The following BCL11B variants were observed in gnomAD, a reference collection of about 807,000 sequenced individuals.
BCL11B encodes B-cell lymphoma/leukemia 11B.
Under a neutral mutation model 49.9 loss-of-function variants are expected in BCL11B, and 8 were observed. The observed-to-expected ratio is 0.16, with a 90% CI of 0.09 to 0.29. BCL11B has a LOEUF of 0.29. BCL11B is among the 10% of genes least tolerant of loss of function. The pLI, the probability that BCL11B is intolerant of heterozygous loss-of-function variation, is 1.00. For synonymous variants in BCL11B, 739 were observed against 637.4 expected (o/e 1.16, Z -2.40); for missense variants, 1,006 against 1,351.0 (o/e 0.74, Z 4.00).
In BCL11B at chr14:99,171,905, T is replaced by C. The variant is rs1034471632; in HGVS notation, c.*2246A>G. On this transcript the variant is annotated 3_prime_UTR_variant, in exon 4 of 4. Coordinates refer to ENST00000357195, the MANE Select transcript of BCL11B (RefSeq NM_138576.4). ...TAAAATGCCCAGGCATTCTCGATTATTACAAATACTGGTCCACTTTTACAG... is the reference window on the plus strand; with the variant it reads ...TAAAATGCCCAGGCATTCTCGATTACTACAAATACTGGTCCACTTTTACAG... The C allele has an allele frequency of 9.9e-6, 2 of 202,002 alleles. No individual in the cohort carries two copies. Among genetic ancestry groups the C allele is most frequent in the African/African-American group, 4.6e-5 (2 of 43,464 alleles). The allele number at this position is 202,002 out of a possible 1,614,324, so 12.5% of individuals were successfully genotyped here. A position where few individuals can be genotyped will look rare whatever the true frequency, so the allele number is the denominator to read the frequency against.
intron 3 of BCL11B, among the ~76,000 whole-genome samples, chr14:99,215,649 G>A (rs1266566961): frequency 6.6e-6 from 1 of 152,164 alleles, no homozygotes; most frequent in Non-Finnish European, 1.5e-5. Flanking sequence ...ACTGATTCCA[G>A]GTATAAAAGC....
chr14:99,259,490 T>C (rs1433615683), intron 1 of BCL11B, among the ~76,000 whole-genome samples: 2 of 152,172 alleles, frequency 1.3e-5, no homozygotes, highest in Admixed American at 6.5e-5. Flanking sequence ...TGTGAATAGG[T>C]AGCGACGTAG....
At chr14:99,237,877 A>G (rs1308022275) in intron 2 of BCL11B, among the ~76,000 whole-genome samples, 1 of 152,194 alleles carries the variant, frequency 6.6e-6, no homozygotes, top group Admixed American at 6.5e-5. Context: ...AGCATCCTTC[A>G]TCAACCATCT....
At chr14:99,253,413 C>A (rs566859499) in intron 2 of BCL11B, among the ~76,000 whole-genome samples, 2 of 152,326 alleles carry the variant, frequency 1.3e-5, no homozygotes, top group East Asian at 3.9e-4. Flanking sequence ...CCAAGAAGAC[C>A]GGTGCAAGCT....
rs1183619128 is a variant in BCL11B, at chr14:99,171,507, G to A, written c.*2644C>T. On this transcript the variant is annotated 3_prime_UTR_variant, in exon 4 of 4. Transcript: ENST00000357195. ...CAAGCTTACAGTTAAAAAATTACGAGCTCCAGTAAAAATACAGCAAGTGCC... is the reference window on the plus strand; with the variant it reads ...CAAGCTTACAGTTAAAAAATTACGAACTCCAGTAAAAATACAGCAAGTGCC... The A allele has an allele frequency of 2.4e-5, 5 of 209,904 alleles. No homozygotes were observed. The highest frequency in any genetic ancestry group is 2.4e-4 in the Admixed American group (4 of 16,878). 13.0% of individuals were successfully genotyped at this position (209,904 alleles called of 1,614,324 possible). A position where few individuals can be genotyped will look rare whatever the true frequency, so the allele number is the denominator to read the frequency against.
intron 3 of BCL11B, among the ~76,000 whole-genome samples, chr14:99,187,885 C>T (rs143800302): frequency 4.7e-4 from 71 of 152,134 alleles, no homozygotes; most frequent in African/African-American, 1.6e-3. Flanking sequence ...CAAAAAATCT[C>T]GACATTCCAC....
intron 3 of BCL11B, among the ~76,000 whole-genome samples, chr14:99,196,148 C>A (rs1213224202): frequency 6.6e-6 from 1 of 152,144 alleles, no homozygotes; most frequent in Non-Finnish European, 1.5e-5. Context: ...ATCGAAGGTG[C>A]TTGTTGCATT....
At position 99,195,349 on chromosome 14, in the gene BCL11B, C is replaced by T. The variant is rs957568612; in HGVS notation, c.641-19154G>A. Reference sequence around the variant, plus strand: ...CAGGGCTCTCCAGTATTCCCCACACCTCCTCTGTGGGGCTCCCCCAGCACC... The same window carrying T: ...CAGGGCTCTCCAGTATTCCCCACACTTCCTCTGTGGGGCTCCCCCAGCACC... On this transcript the variant is annotated intron_variant, in intron 3 of 3. Transcript: ENST00000357195. The surrounding 1 kb of genome is among the most constrained non-coding windows in gnomAD (Gnocchi z 4.7). Among the ~76,000 whole-genome samples the T allele has an allele frequency of 4.6e-5, 7 of 152,090 alleles. No homozygotes were observed. Among genetic ancestry groups the T allele is most frequent in the African/African-American group, 1.4e-4 (6 of 41,408 alleles).
rs913080653 is a variant in BCL11B at position 99,172,319 on chromosome 14, G to C, written c.*1832C>G. 1.3e-5 allele frequency: 3 copies of C among 225,658 alleles called. No homozygotes were observed. The highest frequency in any genetic ancestry group is 2.7e-5 in the Non-Finnish European group (3 of 113,156). The allele number at this position is 225,658 out of a possible 1,614,324, so 14.0% of individuals were successfully genotyped here. On this transcript the variant is annotated 3_prime_UTR_variant, in exon 4 of 4. Coordinates refer to ENST00000357195, the MANE Select transcript of BCL11B (RefSeq NM_138576.4). The stretch of plus-strand genomic sequence containing the variant: ...AGGGGCTGAGGATAATTCAGCTAAT[G>C]GATGTCCAAGGTTGTGCTGGGTTTA...
At chr14:99,196,816 G>A (rs937333871) in intron 3 of BCL11B, among the ~76,000 whole-genome samples, 3 of 152,272 alleles carry the variant, frequency 2.0e-5, no homozygotes, top group East Asian at 1.9e-4. Context: ...CCAAGGCTGT[G>A]TGATACAACT....
intron 3 of BCL11B, among the ~76,000 whole-genome samples, chr14:99,202,303 C>T (rs371050101): frequency 2.6e-5 from 4 of 152,170 alleles, no homozygotes; most frequent in Non-Finnish European, 5.9e-5. Flanking sequence ...TCTTTATAAG[C>T]GCCAGGATCA....
rs1179460384 is a variant in BCL11B at position 99,257,486 on chromosome 14, G to T, written c.412C>A (p.Gln138Lys). 4 of 1,604,478 alleles carry T rather than the reference G, an allele frequency of 2.5e-6. No individual in the cohort carries two copies. In the African/African-American group the frequency reaches 5.3e-5, roughly 21 times the overall value. The change falls in exon 2 of 4, where the codon CAG (glutamine) becomes AAG (lysine). Residue 138 changes from glutamine (Q) to lysine (K), a missense_variant. This residue lies in a region of BCL11B where 411 missense variants were observed against 542.2 expected (regional missense o/e 0.76). Coordinates refer to ENST00000357195, the MANE Select transcript of BCL11B (RefSeq NM_138576.4). This position sits in a 1 kb window ranked among gnomAD's most constrained non-coding sequence, Gnocchi z 6.2. ...CATCCCATACCTGCAATGTTCTCCT[G>T]CTTGGGACAGATGCCTTTCGTGGGT... is the stretch of plus-strand genomic sequence containing the variant. ...LSPTKGICPK[Q>K]ENIAGPCRPA...
intron 2 of BCL11B, among the ~76,000 whole-genome samples, chr14:99,250,412 C>T (rs1200346968): frequency 5.9e-5 from 9 of 151,994 alleles, no homozygotes; most frequent in East Asian, 1.9e-4. Context: ...TGGGCGACAG[C>T]GAGACTCTGT....
rs556583873 is a variant in BCL11B, at chr14:99,262,751, C to T, written c.59-4912G>A. On this transcript the variant is annotated intron_variant, in intron 1 of 3. Transcript: ENST00000357195. This position sits in a 1 kb window ranked among gnomAD's most constrained non-coding sequence, Gnocchi z 4.2. ...CTTGGGGAGGGGCTGGGACTCCAGG[C>T]GACACGGAAACGCCACCACACGCAC... Among the ~76,000 whole-genome samples the T allele has an allele frequency of 4.6e-5, 7 of 152,154 alleles. No individual in the cohort carries two copies. Among genetic ancestry groups the T allele is most frequent in the Non-Finnish European group, 8.8e-5 (6 of 68,006 alleles).
At chr14:99,260,076 C>T (rs1889292192) in intron 1 of BCL11B, among the ~76,000 whole-genome samples, 1 of 152,148 alleles carries the variant, frequency 6.6e-6, no homozygotes, top group Non-Finnish European at 1.5e-5. Context: ...TATTGTGCGC[C>T]ATTTTTACAG....
chr14:99,216,927 C>T (rs1488061545), intron 3 of BCL11B, among the ~76,000 whole-genome samples: 1 of 149,204 alleles, frequency 6.7e-6, no homozygotes, highest in Non-Finnish European at 1.5e-5. Context: ...TACTCACATG[C>T]ACAAATATCC....
intron 2 of BCL11B, among the ~76,000 whole-genome samples, chr14:99,240,445 C>G (rs1335826034): frequency 6.6e-6 from 1 of 152,064 alleles, no homozygotes; most frequent in Non-Finnish European, 1.5e-5. Flanking sequence ...TACATAAGAA[C>G]AAAATCTTTT....
intron 2 of BCL11B, among the ~76,000 whole-genome samples, chr14:99,235,027 T>G (rs960558714): frequency 2.0e-5 from 3 of 152,124 alleles, no homozygotes; most frequent in African/African-American, 7.2e-5. Context: ...TTGCAGAGGC[T>G]CCTGCTCCGT....
At chr14:99,255,131 G>A (rs980952648) in intron 2 of BCL11B, among the ~76,000 whole-genome samples, 3 of 152,122 alleles carry the variant, frequency 2.0e-5, no homozygotes, top group African/African-American at 4.8e-5. Flanking sequence ...GGAAATAGGA[G>A]GAATGGGAAC....
Sources: gnomAD v4.1 joint callset for allele counts (sites outside exome capture counted in the v4.1 genomes callset) on GRCh38, gnomAD v4.1.1 for gene constraint, gnomAD v4.1.1 regional missense constraint, Gnocchi (gnomAD v3.1) non-coding constraint, MANE v1.5 for transcripts, NCBI Gene and HGNC (gene_info 2026-07-23, HGNC 2026-07-21) for gene names.